Variants in SPAG16 observed in about 807,000 individuals in gnomAD.
The protein encoded by SPAG16 is sperm associated antigen 16.
Under a neutral mutation model 80.4 loss-of-function variants are expected in SPAG16, and 86 were observed. The ratio of observed to expected loss-of-function variants is 1.07; its 90% CI spans 0.90 to 1.28. The LOEUF is 1.28. Among genes scored for constraint, SPAG16 ranks in the 50% most tolerant of loss-of-function variants. The probability of loss-of-function intolerance (pLI) is 0.00; values close to 1 mark genes in which losing one functional copy is unlikely to be tolerated. For synonymous variants in SPAG16, 294 were observed against 265.9 expected (o/e 1.11, Z -1.03); for missense variants, 870 against 765.3 (o/e 1.14, Z -1.61).
chr2:213,534,991 G>C (rs746144219), intron 10 of SPAG16, among the ~76,000 whole-genome samples: 4 of 152,042 alleles, frequency 2.6e-5, no homozygotes, highest in Non-Finnish European at 5.9e-5. Context: ...AAGCAGGACC[G>C]TGTAAAGACA....
intron 10 of SPAG16, among the ~76,000 whole-genome samples, chr2:213,557,288 AGCACATACACAT>A (rs2125969281): frequency 6.6e-6 from 1 of 152,248 alleles, no homozygotes; most frequent in East Asian, 1.9e-4. Context: ...TTTTATTGTA[AGCACATACACAT>A]GCACAACATA....
chr2:213,612,856 G>C (rs2061480728), intron 10 of SPAG16, among the ~76,000 whole-genome samples: 1 of 151,918 alleles, frequency 6.6e-6, no homozygotes, highest in Admixed American at 6.6e-5. Context: ...GCTAATTTTT[G>C]TATTTTTAGT....
At chr2:213,656,934 A>G (rs77270520) in intron 10 of SPAG16, among the ~76,000 whole-genome samples, 9,073 of 152,226 alleles carry the variant, frequency 0.06, 894 homozygotes, top group African/African-American at 0.2. Context: ...TTTAAAATTA[A>G]ACTTAAATAA....
At chr2:213,818,476 TCTGG>T (rs2072712994) in intron 10 of SPAG16, among the ~76,000 whole-genome samples, 1 of 152,176 alleles carries the variant, frequency 6.6e-6, no homozygotes, top group Admixed American at 6.6e-5. Flanking sequence ...GCCTCAAACA[TCTGG>T]CTCTGCCTTG....
chr2:213,873,074 A>G (rs553454291), intron 11 of SPAG16, among the ~76,000 whole-genome samples: 7 of 152,220 alleles, frequency 4.6e-5, no homozygotes, highest in African/African-American at 1.7e-4. Flanking sequence ...CTGGCCTCAC[A>G]GAATAAGTTA....
intron 10 of SPAG16, among the ~76,000 whole-genome samples, chr2:213,534,700 G>A (rs1654658035): frequency 6.6e-6 from 1 of 152,042 alleles, no homozygotes; most frequent in Non-Finnish European, 1.5e-5. Flanking sequence ...ATAGTGTATG[G>A]AGTCAGGAGA....
chr2:213,921,052 G>C (rs2078200463), intron 11 of SPAG16, among the ~76,000 whole-genome samples: 1 of 152,130 alleles, frequency 6.6e-6, no homozygotes, highest in Admixed American at 6.5e-5. Flanking sequence ...CTGCCTGGTA[G>C]CCTCCTGTAG....
chr2:213,718,848 A>G (rs2066376631), intron 10 of SPAG16, among the ~76,000 whole-genome samples: 1 of 152,266 alleles, frequency 6.6e-6, no homozygotes, highest in African/African-American at 2.4e-5. Flanking sequence ...GCCCAGTCCC[A>G]TCGACCACCC....
intron 11 of SPAG16, among the ~76,000 whole-genome samples, chr2:213,866,437 G>A (rs2075686377): frequency 6.6e-6 from 1 of 152,098 alleles, no homozygotes; most frequent in African/African-American, 2.4e-5. Flanking sequence ...ATCCGACTAT[G>A]AGGACATCAT....
intron 15 of SPAG16, among the ~76,000 whole-genome samples, chr2:214,230,941 A>C (rs369243386): frequency 1.1e-4 from 16 of 151,972 alleles, no homozygotes; most frequent in African/African-American, 3.4e-4. Context: ...GCTGTTGGGG[A>C]AGAGACAGTT....
chr2:213,779,125 T>C lies in SPAG16; in HGVS notation c.1071-83360T>C, dbSNP rs1190861412. Among the ~76,000 whole-genome samples, 5 of 152,232 alleles carry C rather than the reference T, an allele frequency of 3.3e-5. No homozygotes were observed. The East Asian group carries it at 9.6e-4, about 29-fold the overall frequency. On this transcript the variant is annotated intron_variant, in intron 10 of 15. Coordinates refer to ENST00000331683, the MANE Select transcript of SPAG16 (RefSeq NM_024532.5). ...TAACTTTTCACACTTTAAAGAGATG[T>C]ATTCTTTCCTACTTAATGTTTCTTG...
intron 10 of SPAG16, among the ~76,000 whole-genome samples, chr2:213,859,909 A>G (rs2075346349): frequency 6.6e-6 from 1 of 152,194 alleles, no homozygotes. Flanking sequence ...TTGAGCTTTC[A>G]TTTCACTTGT....
chr2:213,348,499 T>A (rs1417732499), intron 6 of SPAG16, among the ~76,000 whole-genome samples: 1 of 152,202 alleles, frequency 6.6e-6, no homozygotes, highest in East Asian at 1.9e-4. Flanking sequence ...TTGGCATGTT[T>A]TTGCAGTGGC....
intron 12 of SPAG16, among the ~76,000 whole-genome samples, chr2:213,968,612 A>C (rs7563757): frequency 0.73 from 111,210 of 152,126 alleles, 40,873 homozygotes; most frequent in South Asian, 0.86. Context: ...GATTAACTAG[A>C]CTTTTTTATT....
intron 12 of SPAG16, among the ~76,000 whole-genome samples, chr2:213,985,743 C>T (rs1449313364): frequency 4.6e-5 from 7 of 152,086 alleles, no homozygotes; most frequent in South Asian, 2.1e-4. Context: ...GGATGGAGTA[C>T]GCAAATGGTA....
At chr2:213,920,503 TGCAGTGGGGGTAGGGAATAG>T (rs2078167243) in intron 11 of SPAG16, among the ~76,000 whole-genome samples, 1 of 152,154 alleles carries the variant, frequency 6.6e-6, no homozygotes, top group Non-Finnish European at 1.5e-5. Context: ...TGGAGGAAGC[TGCAGTGGGGGTAGGGAATAG>T]GCAGGCTGGT....
chr2:213,611,517 A>T (rs1357610656), intron 10 of SPAG16, among the ~76,000 whole-genome samples: 1 of 152,150 alleles, frequency 6.6e-6, no homozygotes, highest in Non-Finnish European at 1.5e-5. Context: ...ATCCATTTTT[A>T]TGGGTTTGTT....
intron 10 of SPAG16, among the ~76,000 whole-genome samples, chr2:213,603,151 A>G (rs957671619): frequency 1.3e-5 from 2 of 152,260 alleles, no homozygotes; most frequent in Non-Finnish European, 2.9e-5. Context: ...GGCAGCCTCT[A>G]TCTTAGAAAT....
chr2:213,838,416 A>G lies in SPAG16; in HGVS notation c.1071-24069A>G, dbSNP rs190220866. 1.5e-3 allele frequency among the ~76,000 whole-genome samples: 227 copies of G among 152,206 alleles called. 1 individual carries two copies. Among genetic ancestry groups the G allele is most frequent in the Middle Eastern group, 3.4e-3 (1 of 294 alleles). On this transcript the variant is annotated intron_variant, in intron 10 of 15. Coordinates refer to ENST00000331683, the MANE Select transcript of SPAG16 (RefSeq NM_024532.5). The stretch of plus-strand genomic sequence containing the variant: ...CTGAACTCCTGACCTCAGGTAATCC[A>G]TCCGCCTCGGCCTTCCAAAGTGCTG...
Sources: allele counts gnomAD v4.1 joint callset (sites outside exome capture counted in the v4.1 genomes callset), GRCh38; gene constraint gnomAD v4.1.1; transcripts MANE v1.5; gene names NCBI Gene and HGNC (gene_info 2026-07-23, HGNC 2026-07-21).